JAK2: variants seen among roughly 807,000 people sequenced by gnomAD.
The protein encoded by JAK2 is Janus kinase 2, also known as tyrosine-protein kinase JAK2.
A neutral mutation model predicts 139.3 loss-of-function variants in JAK2; 86 were observed. The ratio of observed to expected loss-of-function variants is 0.62; its 90% CI spans 0.52 to 0.74. The LOEUF is 0.74. Among genes scored for constraint, JAK2 ranks in the 30% least tolerant of loss-of-function variants. The pLI, the probability that JAK2 is intolerant of heterozygous loss-of-function variation, is 0.00. For synonymous variants in JAK2, 490 were observed against 437.7 expected, an observed-to-expected ratio of 1.12 and a Z score of -1.49; for missense variants, 1,421 against 1,360.3, an observed-to-expected ratio of 1.04 and a Z score of -0.70.
Position 5,129,188 on chromosome 9 carries a change from C to A in JAK2, c.*2397C>A, listed in dbSNP as rs1824187592. On this transcript the variant is annotated 3_prime_UTR_variant, in exon 25 of 25. Transcript: ENST00000381652. Reference sequence around the variant, plus strand: ...ACAGTTCTGTATCTATAGAGCCAATCTTGATGGTGGGTGTGGCATTATGTG... The same window carrying A: ...ACAGTTCTGTATCTATAGAGCCAATATTGATGGTGGGTGTGGCATTATGTG... Among the ~76,000 whole-genome samples the A allele has an allele frequency of 1.3e-5, 2 of 152,042 alleles. No homozygotes were observed. Among genetic ancestry groups the A allele is most frequent in the Admixed American group, 1.3e-4 (2 of 15,266 alleles).
At chr9:5,085,563 TG>T in intron 19 of JAK2, 1 of 693,254 alleles carries the variant, frequency 1.4e-6, no homozygotes, top group South Asian at 1.6e-5. Flanking sequence ...ATATAACAGC[TG>T]TATTTCCAGT....
chr9:5,013,328 C>A (rs1388049627), intron 2 of JAK2, among the ~76,000 whole-genome samples: 1 of 152,166 alleles, frequency 6.6e-6, no homozygotes, highest in African/African-American at 2.4e-5. Flanking sequence ...GTAGGAAAAA[C>A]ATAGTATATC....
At chr9:5,044,905 A>G (rs909631284) in intron 5 of JAK2, among the ~76,000 whole-genome samples, 1 of 152,184 alleles carries the variant, frequency 6.6e-6, no homozygotes, top group Non-Finnish European at 1.5e-5. Context: ...GGCTTACACA[A>G]TGGACAATGA....
At position 5,081,861 on chromosome 9, in the gene JAK2, G is replaced by A. The variant is rs764700283; in HGVS notation, c.2571G>A (p.Lys857=). Residue 857 remains lysine (K), a splice_region_variant and synonymous_variant, in exon 19 of 25, where the codon AAG becomes AAA. Coordinates refer to ENST00000381652, the MANE Select transcript of JAK2 (RefSeq NM_004972.4). The part of the protein sequence containing the change: ...RHLKFLQQLG[K]GNFGSVEMCR... The stretch of plus-strand genomic sequence containing the variant: ...TGAAATTTCTACAGCAACTTGGCAA[G>A]GTAAATTGTCAGAATTTTTTCAAAT... The A allele has an allele frequency of 4.3e-6, 7 of 1,610,402 alleles. No individual in the cohort carries two copies. The African/African-American group carries it at 6.7e-5, about 15-fold the overall frequency.
intron 2 of JAK2, among the ~76,000 whole-genome samples, chr9:5,008,837 A>C (rs1477735499): frequency 6.6e-6 from 1 of 151,944 alleles, no homozygotes; most frequent in Non-Finnish European, 1.5e-5. Flanking sequence ...CTCCATCTAG[A>C]GCTTCTCTTT....
intron 22 of JAK2, among the ~76,000 whole-genome samples, chr9:5,095,909 C>G (rs1377248591): frequency 1.3e-5 from 2 of 152,196 alleles, no homozygotes; most frequent in Admixed American, 1.3e-4. Context: ...ACAACCCTGT[C>G]ACTGTCTCAC....
chr9:5,084,091 G>A (rs903050158), intron 19 of JAK2, among the ~76,000 whole-genome samples: 1 of 151,896 alleles, frequency 6.6e-6, no homozygotes, highest in Admixed American at 6.6e-5. Context: ...CCATAGTTCC[G>A]TGAGCTTAAA....
chr9:5,101,367 A>G (rs1252429924), intron 22 of JAK2, among the ~76,000 whole-genome samples: 2 of 152,230 alleles, frequency 1.3e-5, no homozygotes, highest in Non-Finnish European at 2.9e-5. Context: ...GTAGGTAAAC[A>G]AAGTGGCCAG....
intron 2 of JAK2, among the ~76,000 whole-genome samples, chr9:5,005,818 T>A (rs1277695694): frequency 6.6e-6 from 1 of 152,192 alleles, no homozygotes; most frequent in Non-Finnish European, 1.5e-5. Flanking sequence ...TTAAATGGTA[T>A]ATTCTGAGGG....
chr9:5,113,368 C>G (rs147185066), intron 22 of JAK2, among the ~76,000 whole-genome samples: 4 of 143,606 alleles, frequency 2.8e-5, no homozygotes, highest in African/African-American at 1.1e-4. Flanking sequence ...AAGCCAGCAG[C>G]AAATTGTGCC....
chr9:5,105,420 C>G (rs528155093), intron 22 of JAK2, among the ~76,000 whole-genome samples: 5 of 152,278 alleles, frequency 3.3e-5, no homozygotes, highest in African/African-American at 9.6e-5. Context: ...CAAGAGGACA[C>G]AAACAAATGG....
chr9:5,057,519 C>G (rs1459555398), intron 8 of JAK2, among the ~76,000 whole-genome samples: 1 of 151,634 alleles, frequency 6.6e-6, no homozygotes, highest in Non-Finnish European at 1.5e-5. Context: ...AGTCTACACC[C>G]ATTAAATAAA....
intron 2 of JAK2, among the ~76,000 whole-genome samples, chr9:5,008,674 G>A (rs1587819198): frequency 6.6e-6 from 1 of 152,170 alleles, no homozygotes; most frequent in South Asian, 2.1e-4. Context: ...TGTTATCTTT[G>A]GTGTTTGGAT....
intron 10 of JAK2, among the ~76,000 whole-genome samples, chr9:5,068,202 T>C (rs1408698817): frequency 6.6e-6 from 1 of 151,888 alleles, no homozygotes; most frequent in East Asian, 1.9e-4. Flanking sequence ...AGAAAGGTTA[T>C]TTGGCATAGG....
At chr9:5,007,545 A>T (rs1388860221) in intron 2 of JAK2, among the ~76,000 whole-genome samples, 1 of 152,110 alleles carries the variant, frequency 6.6e-6, no homozygotes, top group African/African-American at 2.4e-5. Flanking sequence ...TAAGAATAGC[A>T]TAAATTTATA....
Position 5,128,321 on chromosome 9 carries a change from G to A in JAK2, c.*1530G>A. 4.5e-6 allele frequency: 1 copy of A among 222,246 alleles called. No individual in the cohort carries two copies. The highest frequency in any genetic ancestry group is 9.0e-6 in the Non-Finnish European group (1 of 110,964). The allele number at this position is 222,246 out of a possible 1,614,324, so 13.8% of individuals were successfully genotyped here. A position where few individuals can be genotyped will look rare whatever the true frequency, so the allele number is the denominator to read the frequency against. ...ATTTTTAAAGCATTTTAATAGTTCT[G>A]GATGCAGAAATCATCTAAAATGACA... On this transcript the variant is annotated 3_prime_UTR_variant, in exon 25 of 25. Transcript: ENST00000381652.
chr9:5,031,947 G>A (rs765126860), intron 4 of JAK2, among the ~76,000 whole-genome samples: 4 of 152,242 alleles, frequency 2.6e-5, no homozygotes, highest in Non-Finnish European at 2.9e-5. Context: ...AGCATGAGCC[G>A]AAGCAGGGCG....
intron 2 of JAK2, among the ~76,000 whole-genome samples, chr9:4,995,510 A>C (rs1031657021): frequency 6.6e-6 from 1 of 152,192 alleles, no homozygotes; most frequent in Non-Finnish European, 1.5e-5. Context: ...TTGTCAGATA[A>C]TCCTTCTTTT....
intron 2 of JAK2, among the ~76,000 whole-genome samples, chr9:4,998,875 G>T (rs779100056): frequency 6.6e-6 from 1 of 152,086 alleles, no homozygotes; most frequent in East Asian, 1.9e-4. Context: ...CTGTCACCCA[G>T]GCTGTAGTGC....
Sources: gnomAD v4.1 joint callset for allele counts (sites outside exome capture counted in the v4.1 genomes callset) on GRCh38, gnomAD v4.1.1 for gene constraint, MANE v1.5 for transcripts, NCBI Gene and HGNC (gene_info 2026-07-23, HGNC 2026-07-21) for gene names.